The following TMEM108 variants were observed in gnomAD, a reference collection of about 807,000 sequenced individuals.
The protein encoded by TMEM108 is cancer/testis antigen 124.
TMEM108 carries 12 observed loss-of-function variants against 35.1 expected under a neutral mutation model. The ratio of observed to expected loss-of-function variants is 0.34; its 90% CI spans 0.22 to 0.55. TMEM108 has a LOEUF of 0.55. Ranked by LOEUF, TMEM108 falls within the 20% of genes least tolerant of loss-of-function variation. The pLI, the probability that TMEM108 is intolerant of heterozygous loss-of-function variation, is 0.89. For missense variants in TMEM108, 680 were observed against 753.3 expected (o/e 0.90, Z 1.14); for synonymous variants, 287 against 308.6 (o/e 0.93, Z 0.73).
intron 3 of TMEM108, among the ~76,000 whole-genome samples, chr3:133,266,878 C>T (rs1191806638): frequency 7.0e-6 from 1 of 143,300 alleles, no homozygotes; most frequent in Non-Finnish European, 1.5e-5. Context: ...CGAGACCATC[C>T]TGGCTAACAC....
At position 133,064,938 on chromosome 3, in the gene TMEM108, T is replaced by G. The variant is rs566388014; in HGVS notation, c.-47+18918T>G. Reference sequence around the variant, plus strand: ...AACTTTACACTGATACTTCCTCTCCTCTGTGATAGAGTCATGATCATCAGT... The same window carrying G: ...AACTTTACACTGATACTTCCTCTCCGCTGTGATAGAGTCATGATCATCAGT... On this transcript the variant is annotated intron_variant, in intron 2 of 5. Coordinates refer to ENST00000321871, the MANE Select transcript of TMEM108 (RefSeq NM_023943.4). 3.3e-5 allele frequency among the ~76,000 whole-genome samples: 5 copies of G among 152,276 alleles called. No individual in the cohort carries two copies. The East Asian group carries it at 9.6e-4, about 29-fold the overall frequency.
intron 3 of TMEM108, among the ~76,000 whole-genome samples, chr3:133,319,295 T>C (rs1347311710): frequency 6.6e-6 from 1 of 152,164 alleles, no homozygotes; most frequent in Non-Finnish European, 1.5e-5. Context: ...TCTTGGGAGC[T>C]TTATGACCCT....
intron 2 of TMEM108, among the ~76,000 whole-genome samples, chr3:133,163,137 G>A (rs1340089631): frequency 6.6e-6 from 1 of 152,188 alleles, no homozygotes; most frequent in Non-Finnish European, 1.5e-5. Flanking sequence ...AGAGTGCCAA[G>A]CTAAAGAGCT....
intron 3 of TMEM108, among the ~76,000 whole-genome samples, chr3:133,270,904 C>T (rs76290976): frequency 3.6e-4 from 55 of 152,232 alleles, no homozygotes; most frequent in African/African-American, 1.2e-3. Flanking sequence ...GGATCATAAT[C>T]TCAGCCCTCA....
At chr3:133,134,891 C>A (rs544217792) in intron 2 of TMEM108, among the ~76,000 whole-genome samples, 1 of 152,248 alleles carries the variant, frequency 6.6e-6, no homozygotes, top group East Asian at 1.9e-4. Context: ...CCAAGTCCCC[C>A]CTACCTGTTT....
intron 3 of TMEM108, among the ~76,000 whole-genome samples, chr3:133,378,735 C>T (rs2107835920): frequency 1.3e-5 from 2 of 150,654 alleles, no homozygotes; most frequent in East Asian, 3.9e-4. Context: ...TGTTTTTAAA[C>T]ATATACGTTT....
intron 2 of TMEM108, among the ~76,000 whole-genome samples, chr3:133,114,216 G>C (rs1944259678): frequency 6.6e-6 from 1 of 152,130 alleles, no homozygotes; most frequent in Admixed American, 6.6e-5. Flanking sequence ...ATGATGTAAA[G>C]TAATAAATTA....
chr3:133,200,818 G>A (rs1478938787), intron 2 of TMEM108, among the ~76,000 whole-genome samples: 1 of 152,168 alleles, frequency 6.6e-6, no homozygotes, highest in Non-Finnish European at 1.5e-5. Context: ...GCCACATGTA[G>A]CTGTTTAAAT....
rs578255998 is a variant in TMEM108, at chr3:133,342,888, T to C, written c.41-36864T>C. ...ATAGTTAACAATAATTTATTGTATA[T>C]TTTCAAATAGTTAGAAGAGAATTTT... On this transcript the variant is annotated intron_variant, in intron 3 of 5. Coordinates refer to ENST00000321871, the MANE Select transcript of TMEM108 (RefSeq NM_023943.4). Among the ~76,000 whole-genome samples the C allele has an allele frequency of 2.2e-4, 34 of 151,688 alleles. No homozygotes were observed. In the Middle Eastern group the frequency reaches 0.01, roughly 46 times the overall value.
intron 3 of TMEM108, among the ~76,000 whole-genome samples, chr3:133,261,701 GC>G (rs763962641): frequency 1.3e-5 from 2 of 152,198 alleles, no homozygotes; most frequent in Admixed American, 6.5e-5. Context: ...GAGGTTTGAA[GC>G]CCAAACATTT....
chr3:133,326,103 A>G (rs1330018259), intron 3 of TMEM108, among the ~76,000 whole-genome samples: 2 of 152,228 alleles, frequency 1.3e-5, no homozygotes, highest in Non-Finnish European at 2.9e-5. Flanking sequence ...TTCCACAACA[A>G]AAAGTAAAAC....
intron 3 of TMEM108, among the ~76,000 whole-genome samples, chr3:133,258,241 C>A (rs959044874): frequency 3.3e-5 from 5 of 152,208 alleles, no homozygotes; most frequent in African/African-American, 1.2e-4. Context: ...CGGGCCCTCA[C>A]CAGAAACTGA....
chr3:133,366,320 C>G (rs2072499230), intron 3 of TMEM108, among the ~76,000 whole-genome samples: 1 of 152,180 alleles, frequency 6.6e-6, no homozygotes, highest in Admixed American at 6.5e-5. Flanking sequence ...AGATCCATGG[C>G]TAAGATCAGG....
chr3:133,243,548 T>C (rs372733920), intron 3 of TMEM108, among the ~76,000 whole-genome samples: 3 of 148,114 alleles, frequency 2.0e-5, no homozygotes. Context: ...GGGGACGGAG[T>C]CTCGTTCTGT....
chr3:133,303,797 A>T (rs1947264418), intron 3 of TMEM108, among the ~76,000 whole-genome samples: 1 of 152,236 alleles, frequency 6.6e-6, no homozygotes, highest in Admixed American at 6.5e-5. Context: ...ATTGATTAAA[A>T]AATCTATTGG....
At chr3:133,204,444 A>G (rs901355667) in intron 2 of TMEM108, among the ~76,000 whole-genome samples, 26 of 152,312 alleles carry the variant, frequency 1.7e-4, no homozygotes, top group African/African-American at 6.3e-4. Flanking sequence ...ATTTAATGCT[A>G]TAAATTTTCC....
At chr3:133,155,746 A>G (rs560573916) in intron 2 of TMEM108, among the ~76,000 whole-genome samples, 5 of 152,006 alleles carry the variant, frequency 3.3e-5, no homozygotes, top group Admixed American at 2.6e-4. Flanking sequence ...TGGATATTAG[A>G]CCTTTGTCAG....
At chr3:133,301,024 A>G (rs1947217937) in intron 3 of TMEM108, among the ~76,000 whole-genome samples, 2 of 117,356 alleles carry the variant, frequency 1.7e-5, no homozygotes, top group African/African-American at 2.9e-5. Context: ...ACACACACAC[A>G]CACACACACA....
At chr3:133,354,430 T>C (rs2072100303) in intron 3 of TMEM108, among the ~76,000 whole-genome samples, 1 of 152,178 alleles carries the variant, frequency 6.6e-6, no homozygotes, top group African/African-American at 2.4e-5. Context: ...ATCTAGAACA[T>C]TGAATCGCTC....
Sources: gnomAD v4.1 joint callset for allele counts (sites outside exome capture counted in the v4.1 genomes callset) on GRCh38, gnomAD v4.1.1 for gene constraint, MANE v1.5 for transcripts, NCBI Gene and HGNC (gene_info 2026-07-23, HGNC 2026-07-21) for gene names.